The following CATSPERE variants were observed in gnomAD, a reference collection of about 807,000 sequenced individuals.
The protein encoded by CATSPERE is cation channel sperm-associated auxiliary subunit epsilon.
CATSPERE carries 93 observed loss-of-function variants against 114.1 expected under a neutral mutation model. That is an observed-to-expected ratio of 0.81 (90% CI 0.69 to 0.97). The LOEUF is 0.97. Among genes scored for constraint, CATSPERE ranks in the 50% least tolerant of loss-of-function variants. CATSPERE has a pLI of 0.00. For missense variants in CATSPERE, 1,058 were observed against 1,131.6 expected, an observed-to-expected ratio of 0.93 and a Z score of 0.93; for synonymous variants, 341 against 384.1, an observed-to-expected ratio of 0.89 and a Z score of 1.31.
At chr1:244,554,014 A>G (rs1474414584) in intron 9 of CATSPERE, among the ~76,000 whole-genome samples, 2 of 152,118 alleles carry the variant, frequency 1.3e-5, no homozygotes, top group African/African-American at 4.8e-5. Flanking sequence ...TGTTATTTTT[A>G]TGGCCAAATG....
At chr1:244,561,699 T>C (rs1235228445) in intron 10 of CATSPERE, among the ~76,000 whole-genome samples, 1 of 142,132 alleles carries the variant, frequency 7.0e-6, no homozygotes, top group Non-Finnish European at 1.5e-5. Flanking sequence ...ACATTGGGGA[T>C]AGATTTTAGA....
intron 8 of CATSPERE, among the ~76,000 whole-genome samples, chr1:244,545,810 C>A (rs188078848): frequency 6.6e-6 from 1 of 152,182 alleles, no homozygotes; most frequent in African/African-American, 2.4e-5. Flanking sequence ...CCCTAACAGG[C>A]CCTCAAGTGA....
At chr1:244,476,484 T>C (rs1219557488) in intron 2 of CATSPERE, among the ~76,000 whole-genome samples, 1 of 152,232 alleles carries the variant, frequency 6.6e-6, no homozygotes, top group African/African-American at 2.4e-5. Flanking sequence ...ATTTTGCTTA[T>C]TATATTTTAA....
At chr1:244,453,374 A>C (rs573932698), upstream of CATSPERE, among the ~76,000 whole-genome samples, 32 of 152,342 alleles carry the variant, frequency 2.1e-4, no homozygotes, top group East Asian at 6.2e-3. Context: ...GATTTGAGTA[A>C]TAATAAAACT....
Position 244,489,003 on chromosome 1 carries a change from G to T in CATSPERE, c.327-1444G>T, listed in dbSNP as rs6669163. ...ACACTGCAGTAATCAGCAAATGGAA[G>T]GACATAGTCATGAGGCACTGACTTT... On this transcript the variant is annotated intron_variant, in intron 5 of 21. Coordinates refer to ENST00000366534, the MANE Select transcript of CATSPERE (RefSeq NM_001130957.2). Among the ~76,000 whole-genome samples, 973 of 152,218 alleles carry T rather than the reference G, an allele frequency of 6.4e-3. 11 individuals carry two copies. The highest frequency in any genetic ancestry group is 0.022 in the African/African-American group (927 of 41,516).
intron 19 of CATSPERE, 112 bp from the exon 20 acceptor site, chr1:244,617,414 TAGA>T: frequency 1.3e-6 from 1 of 771,000 alleles, no homozygotes; most frequent in Non-Finnish European, 2.0e-6. Context: ...AGGGGTAAAA[TAGA>T]AGGGAATAGC....
At position 244,461,438 on chromosome 1, in the gene CATSPERE, C is replaced by G. The variant is rs765164050; in HGVS notation, c.9C>G (p.Ala3=). 9 of 1,385,314 alleles carry G rather than the reference C, an allele frequency of 6.5e-6. No individual in the cohort carries two copies. Among genetic ancestry groups the G allele is most frequent in the Middle Eastern group, 1.9e-4 (1 of 5,140 alleles). The allele number at this position is 1,385,314 out of a possible 1,614,324, so 85.8% of individuals were successfully genotyped here. ...GAGGCGGAGCAGGCGCCATGTCAGCCCGGGAAGTGGCCGTGCTGCTGCTGT... is the reference window on the plus strand; with the variant it reads ...GAGGCGGAGCAGGCGCCATGTCAGCGCGGGAAGTGGCCGTGCTGCTGCTGT... The part of the protein sequence containing the change: MS[A]REVAVLLLWL... The change falls in exon 1 of 22, where the codon GCC becomes GCG. Residue 3 remains alanine, a synonymous_variant. Coordinates refer to ENST00000366534, the MANE Select transcript of CATSPERE (RefSeq NM_001130957.2).
chr1:244,600,598 C>A (rs1016098554), intron 17 of CATSPERE, among the ~76,000 whole-genome samples: 22 of 152,176 alleles, frequency 1.4e-4, no homozygotes, highest in Non-Finnish European at 4.4e-5. Flanking sequence ...TATCAACTAG[C>A]CTTGAAACCC....
chr1:244,502,484 A>G (rs1345541408), intron 7 of CATSPERE, among the ~76,000 whole-genome samples: 4 of 152,028 alleles, frequency 2.6e-5, no homozygotes, highest in African/African-American at 9.7e-5. Context: ...GATTTGCTTT[A>G]TATTTGTTCT....
At chr1:244,472,362 A>G (rs1057074734) in intron 2 of CATSPERE, among the ~76,000 whole-genome samples, 4 of 152,090 alleles carry the variant, frequency 2.6e-5, no homozygotes, top group South Asian at 2.1e-4. Flanking sequence ...CTTGAATTCT[A>G]CCTTATCTAA....
intron 20 of CATSPERE, among the ~76,000 whole-genome samples, chr1:244,620,112 T>C (rs954231416): frequency 1.3e-5 from 2 of 152,206 alleles, no homozygotes; most frequent in African/African-American, 4.8e-5. Flanking sequence ...TATTATTGTA[T>C]GTGGCCGAAA....
At chr1:244,453,571 T>A (rs1274087227), upstream of CATSPERE, among the ~76,000 whole-genome samples, 1 of 152,178 alleles carries the variant, frequency 6.6e-6, no homozygotes, top group Non-Finnish European at 1.5e-5. Context: ...CCTCCAGCAA[T>A]GGATCCAGAA....
intron 5 of CATSPERE, among the ~76,000 whole-genome samples, chr1:244,486,375 A>G (rs1420722431): frequency 1.3e-5 from 2 of 148,564 alleles, no homozygotes; most frequent in African/African-American, 5.0e-5. Context: ...CATGTGGGGT[A>G]CTCGTGGGCC....
At chr1:244,480,140 A>C (rs1268750514) in intron 5 of CATSPERE, among the ~76,000 whole-genome samples, 2 of 152,192 alleles carry the variant, frequency 1.3e-5, no homozygotes, top group East Asian at 3.8e-4. Context: ...TTGAGATTTG[A>C]CCCTGGTTTT....
chr1:244,629,144 G>A (rs936373467), intron 20 of CATSPERE, among the ~76,000 whole-genome samples: 4 of 152,182 alleles, frequency 2.6e-5, no homozygotes, highest in Non-Finnish European at 5.9e-5. Context: ...AGAGGCATCT[G>A]CTGATATTCC....
intron 18 of CATSPERE, among the ~76,000 whole-genome samples, chr1:244,609,373 G>A (rs528237805): frequency 9.1e-4 from 135 of 147,920 alleles, no homozygotes; most frequent in African/African-American, 3.3e-3. Context: ...TTTTTTTTTA[G>A]AGAGTCTCAC....
chr1:244,477,927 T>A lies in CATSPERE; in HGVS notation c.210T>A (p.Arg70=). 6.2e-7 allele frequency: 1 copy of A among 1,609,334 alleles called. No homozygotes were observed. Among genetic ancestry groups the A allele is most frequent in the Admixed American group, 1.7e-5 (1 of 59,702 alleles). ...LNKSSPTTEL[R]CSSPGVHAIK... ...CTAGCTCACCCACGACAGAATTGCG[T>A]TGTTCCTCACCTGGTGTTCACGCTA... is the stretch of plus-strand genomic sequence containing the variant. Residue 70 remains arginine (R), a synonymous_variant, in exon 4 of 22, where the codon CGT becomes CGA. Transcript: ENST00000366534.
intron 1 of CATSPERE, chr1:244,454,614 G>A (rs1260783404): frequency 6.7e-6 from 1 of 150,230 alleles, no homozygotes; most frequent in Non-Finnish European, 1.5e-5. Flanking sequence ...GGCACAGAGG[G>A]TATGAAATTC....
intron 17 of CATSPERE, among the ~76,000 whole-genome samples, chr1:244,604,207 G>A (rs1206653424): frequency 6.6e-6 from 1 of 152,134 alleles, no homozygotes; most frequent in African/African-American, 2.4e-5. Flanking sequence ...AATACTCTGT[G>A]GCCTTCCTCC....
Sources: gnomAD v4.1 joint callset for allele counts (sites outside exome capture counted in the v4.1 genomes callset) on GRCh38, gnomAD v4.1.1 for gene constraint, MANE v1.5 for transcripts, NCBI Gene and HGNC (gene_info 2026-07-23, HGNC 2026-07-21) for gene names.